Variants in ZNF827 observed in about 807,000 individuals in gnomAD.
ZNF827 encodes the protein zinc finger protein 827.
A neutral mutation model predicts 102.4 loss-of-function variants in ZNF827; 13 were observed. That is an observed-to-expected ratio of 0.13 (90% CI 0.08 to 0.20). The LOEUF (loss-of-function observed/expected upper bound fraction) is 0.20. Ranked by LOEUF, ZNF827 falls within the 10% of genes least tolerant of loss-of-function variation. ZNF827 has a pLI of 1.00. For missense variants in ZNF827, 1,103 were observed against 1,344.4 expected (o/e 0.82, Z 2.81); for synonymous variants, 523 against 536.2 (o/e 0.98, Z 0.34).
intron 1 of ZNF827, among the ~76,000 whole-genome samples, chr4:145,931,663 C>T (rs1038205488): frequency 6.6e-6 from 1 of 152,158 alleles, no homozygotes; most frequent in Non-Finnish European, 1.5e-5. Context: ...GAGATTAGCT[C>T]CAGCCTACTC....
At chr4:145,915,615 C>T (rs1214131100) in intron 1 of ZNF827, among the ~76,000 whole-genome samples, 1 of 152,164 alleles carries the variant, frequency 6.6e-6, no homozygotes, top group African/African-American at 2.4e-5. Flanking sequence ...GGGACACACT[C>T]AAACCACAGC....
intron 4 of ZNF827, among the ~76,000 whole-genome samples, chr4:145,881,430 T>C (rs892770642): frequency 1.3e-5 from 2 of 152,230 alleles, no homozygotes; most frequent in East Asian, 3.8e-4. Context: ...ATCTTTTATT[T>C]TGGAAAACCA....
chr4:145,904,365 A>G (rs1751660107), intron 1 of ZNF827, among the ~76,000 whole-genome samples: 2 of 152,256 alleles, frequency 1.3e-5, no homozygotes, highest in Admixed American at 1.3e-4. Flanking sequence ...ATGGGTAAAT[A>G]ACATAGCATG....
rs558253617 is a variant in ZNF827 at position 145,812,616 on chromosome 4, C to T, written c.2383+10806G>A. Among the ~76,000 whole-genome samples the T allele has an allele frequency of 2.0e-3, 299 of 152,178 alleles. 1 individual carries two copies. Among genetic ancestry groups the T allele is most frequent in the African/African-American group, 6.8e-3 (281 of 41,516 alleles). Reference sequence around the variant, plus strand: ...GATCTAGGCTCACTGCAGCCTCTGCCGCCTGGGTTCAAGAGATTTTCCTGT... The same window carrying T: ...GATCTAGGCTCACTGCAGCCTCTGCTGCCTGGGTTCAAGAGATTTTCCTGT... On this transcript the variant is annotated intron_variant, in intron 8 of 14. Transcript: ENST00000508784.
intron 5 of ZNF827, among the ~76,000 whole-genome samples, chr4:145,850,126 C>G (rs1288962352): frequency 6.6e-6 from 1 of 151,986 alleles, no homozygotes; most frequent in African/African-American, 2.4e-5. Flanking sequence ...TCTCCTGCCT[C>G]AGCCTCCCGA....
intron 11 of ZNF827, among the ~76,000 whole-genome samples, chr4:145,768,577 A>G (rs1395178490): frequency 6.6e-6 from 1 of 152,060 alleles, no homozygotes; most frequent in African/African-American, 2.4e-5. Flanking sequence ...TACAGATTCA[A>G]CATGACCCCA....
intron 4 of ZNF827, among the ~76,000 whole-genome samples, chr4:145,871,751 A>C (rs912259487): frequency 6.6e-6 from 1 of 152,196 alleles, no homozygotes; most frequent in Non-Finnish European, 1.5e-5. Context: ...TCAAGCACAA[A>C]GTCTGTTTTC....
At chr4:145,768,395 C>A (rs1310911333) in intron 11 of ZNF827, among the ~76,000 whole-genome samples, 2 of 152,104 alleles carry the variant, frequency 1.3e-5, no homozygotes, top group Non-Finnish European at 2.9e-5. Flanking sequence ...GAACTCCTGA[C>A]CTCAAGTGAT....
chr4:145,847,706 C>A (rs905148330), intron 6 of ZNF827, among the ~76,000 whole-genome samples: 7 of 152,282 alleles, frequency 4.6e-5, no homozygotes, highest in African/African-American at 1.4e-4. Flanking sequence ...CTGTCAATGG[C>A]TTCTTTTAAT....
intron 1 of ZNF827, among the ~76,000 whole-genome samples, chr4:145,933,420 A>G (rs895910546): frequency 6.6e-5 from 10 of 152,228 alleles, no homozygotes; most frequent in African/African-American, 2.4e-4. Flanking sequence ...ATAAAAGTAA[A>G]TAAGAGAAAA....
rs4536949 is a variant in ZNF827 at position 145,906,436 on chromosome 4, G to A, written c.44-3221C>T. Among the ~76,000 whole-genome samples the A allele has an allele frequency of 9.9e-5, 15 of 152,140 alleles. No individual in the cohort carries two copies. The East Asian group carries it at 1.2e-3, about 12-fold the overall frequency. ...ATTCTGCCTCTTCTTTGTTGGAGTC[G>A]GTCAAAAGGAGATTCAAATGCCTAA... is the stretch of plus-strand genomic sequence containing the variant. On this transcript the variant is annotated intron_variant, in intron 1 of 14. Coordinates refer to ENST00000508784, the MANE Select transcript of ZNF827 (RefSeq NM_001306215.2).
chr4:145,774,712 G>T, intron 10 of ZNF827, 40 bp from the exon 11 acceptor site: 1 of 1,596,112 alleles, frequency 6.3e-7, no homozygotes, highest in South Asian at 1.1e-5. Flanking sequence ...GAGAGAAAAG[G>T]GTGACACATA....
intron 4 of ZNF827, 51 bp from the exon 5 acceptor site, chr4:145,870,529 CT>C: frequency 6.7e-7 from 1 of 1,484,604 alleles, no homozygotes; most frequent in Non-Finnish European, 9.3e-7. Flanking sequence ...CACTCCCCTC[CT>C]TAGCTGCCCT....
intron 5 of ZNF827, among the ~76,000 whole-genome samples, chr4:145,856,756 T>G (rs984140635): frequency 4.2e-5 from 6 of 143,040 alleles, no homozygotes; most frequent in African/African-American, 1.6e-4. Flanking sequence ...CAGGGAAAAC[T>G]GAGCAAACCA....
chr4:145,884,372 G>A (rs1749929887), intron 4 of ZNF827, among the ~76,000 whole-genome samples: 1 of 152,122 alleles, frequency 6.6e-6, no homozygotes, highest in Admixed American at 6.6e-5. Context: ...TAATTCACCT[G>A]GCAATGACAT....
At chr4:145,801,588 T>A (rs991355105) in intron 8 of ZNF827, among the ~76,000 whole-genome samples, 6 of 151,916 alleles carry the variant, frequency 3.9e-5, no homozygotes, top group African/African-American at 1.5e-4. Flanking sequence ...GACTCTAGAG[T>A]CAGGAAGAAG....
chr4:145,869,090 GA>G (rs1173027946), intron 5 of ZNF827, among the ~76,000 whole-genome samples: 1 of 152,148 alleles, frequency 6.6e-6, no homozygotes, highest in Non-Finnish European at 1.5e-5. Flanking sequence ...CAAAGTTTAG[GA>G]AGACAGAGCT....
At position 145,775,779 on chromosome 4, in the gene ZNF827, T is replaced by A. The variant is rs199674050; in HGVS notation, c.2693+10A>T. ...GAAAGGCGGACTAGCATGTTCCATC[T>A]GCAACTCACCTGTAATAATAAGGAT... is the stretch of plus-strand genomic sequence containing the variant. On this transcript the variant is annotated intron_variant, in intron 10 of 14. Coordinates refer to ENST00000508784, the MANE Select transcript of ZNF827 (RefSeq NM_001306215.2). 1.6e-3 allele frequency: 2,633 copies of A among 1,614,148 alleles called. 7 individuals are homozygous for A. Among genetic ancestry groups the A allele is most frequent in the Non-Finnish European group, 2.1e-3 (2,421 of 1,179,994 alleles).
chr4:145,763,484 C>T lies in ZNF827; in HGVS notation c.3231-362G>A, dbSNP rs759544176. 1.5e-4 allele frequency among the ~76,000 whole-genome samples: 23 copies of T among 152,320 alleles called. No individual in the cohort carries two copies. The highest frequency in any genetic ancestry group is 3.9e-4 in the East Asian group (2 of 5,178). On this transcript the variant is annotated intron_variant, in intron 13 of 14. Coordinates refer to ENST00000508784, the MANE Select transcript of ZNF827 (RefSeq NM_001306215.2). The surrounding 1 kb of genome is among the most constrained non-coding windows in gnomAD (Gnocchi z 4.6). ...AGAACATAAACTATTACACAGGGGA[C>T]GGTTAGCACCGCACGGGAAGTGTCT...
Sources: allele counts gnomAD v4.1 joint callset (sites outside exome capture counted in the v4.1 genomes callset), GRCh38; gene constraint gnomAD v4.1.1; non-coding constraint Gnocchi (gnomAD v3.1); transcripts MANE v1.5; gene names NCBI Gene and HGNC (gene_info 2026-07-23, HGNC 2026-07-21).